Variants in EGF observed in about 807,000 individuals in gnomAD.
The protein encoded by EGF is epidermal growth factor.
EGF carries 95 observed loss-of-function variants against 143.8 expected under a neutral mutation model. That is an observed-to-expected ratio of 0.66 (90% confidence interval 0.56 to 0.78). The LOEUF (loss-of-function observed/expected upper bound fraction) is 0.78, where lower values mean the gene tolerates loss of function less well. Among genes scored for constraint, EGF ranks in the 30% least tolerant of loss-of-function variants. EGF has a pLI of 0.00. For missense variants in EGF, 1,320 were observed against 1,470.9 expected, an observed-to-expected ratio of 0.90 and a Z score of 1.68; for synonymous variants, 510 against 510.5, an observed-to-expected ratio of 1.00 and a Z score of 0.01.
Position 109,994,769 on chromosome 4 carries a change from A to G in EGF, c.2894A>G (p.His965Arg). 6.2e-7 allele frequency: 1 copy of G among 1,614,118 alleles called. No homozygotes were observed. Among genetic ancestry groups the G allele is most frequent in the Middle Eastern group, 1.6e-4 (1 of 6,062 alleles). Residue 965 changes from histidine (H) to arginine (R), a missense_variant, in exon 20 of 24, where the codon CAC (histidine) becomes CGC (arginine). His to Arg is a conservative substitution (Grantham distance 29). Transcript: ENST00000265171. ...CCCCCTCACCTCAGGGAAGATGACC[A>G]CCACTATTCCGTAAGAAATAGTGAC... is the stretch of plus-strand genomic sequence containing the variant. ...TPPPHLREDDHHYSVRNSDSE... is the reference protein window; with the variant it reads ...TPPPHLREDDRHYSVRNSDSE...
At chr4:109,944,969 G>A (rs756955971) in intron 4 of EGF, 104 bp from the exon 5 acceptor site, 81 of 1,193,416 alleles carry the variant, frequency 6.8e-5, no homozygotes, top group East Asian at 1.3e-4. Context: ...AATTGAAAAC[G>A]TAGGTGGTTA....
At chr4:109,971,430 G>A (rs1747639589) in intron 11 of EGF, among the ~76,000 whole-genome samples, 1 of 152,142 alleles carries the variant, frequency 6.6e-6, no homozygotes, top group African/African-American at 2.4e-5. Context: ...GATCAAAATG[G>A]CAGATGTCAA....
chr4:109,939,526 C>T (rs1741541315), intron 1 of EGF, among the ~76,000 whole-genome samples: 2 of 152,250 alleles, frequency 1.3e-5, no homozygotes, highest in Non-Finnish European at 2.9e-5. Flanking sequence ...CCTGCTTCGG[C>T]TGGCCCTCCG....
chr4:109,931,546 C>T (rs189736675), intron 1 of EGF, among the ~76,000 whole-genome samples: 4 of 152,274 alleles, frequency 2.6e-5, no homozygotes, highest in Admixed American at 2.6e-4. Flanking sequence ...CCAAGTCTAC[C>T]ACCTACTAGT....
chr4:109,985,489 G>A (rs1037782443), intron 16 of EGF, among the ~76,000 whole-genome samples: 5 of 152,194 alleles, frequency 3.3e-5, no homozygotes, highest in Admixed American at 3.3e-4. Flanking sequence ...CAGCCCTCTT[G>A]CCTTCGGCTT....
At chr4:109,942,010 C>T (rs966031480) in intron 2 of EGF, among the ~76,000 whole-genome samples, 2 of 152,156 alleles carry the variant, frequency 1.3e-5, no homozygotes, top group Non-Finnish European at 1.5e-5. Context: ...CCAAATATTT[C>T]TCTTTCCAGT....
chr4:109,984,739 T>A (rs1310843456), intron 16 of EGF, among the ~76,000 whole-genome samples: 1 of 152,162 alleles, frequency 6.6e-6, no homozygotes, highest in Non-Finnish European at 1.5e-5. Flanking sequence ...AGTTCACAGA[T>A]ATGAAAGCAG....
At position 109,976,127 on chromosome 4, in the gene EGF, A is replaced by T; in HGVS notation, c.1945A>T (p.Ile649Phe). 6.2e-7 allele frequency: 1 copy of T among 1,614,148 alleles called. No individual in the cohort carries two copies. Among genetic ancestry groups the T allele is most frequent in the Non-Finnish European group, 8.5e-7 (1 of 1,180,000 alleles). ...SDLIWPSGIT[I>F]DFLTDKLYWC... ...TCTAATCTGGCCCAGTGGAATAACG[A>T]TTGACTTCTTAACTGACAAGTTGTA... Residue 649 changes from isoleucine (I) to phenylalanine (F), a missense_variant, in exon 13 of 24, where the codon ATT becomes TTT. Ile to Phe is a conservative substitution (Grantham distance 21). Coordinates refer to ENST00000265171, the MANE Select transcript of EGF (RefSeq NM_001963.6).
At chr4:110,005,348 C>A (rs1345919892) in intron 22 of EGF, among the ~76,000 whole-genome samples, 1 of 151,918 alleles carries the variant, frequency 6.6e-6, no homozygotes, top group African/African-American at 2.4e-5. Flanking sequence ...ACTCAATTTT[C>A]TTAATTTTCT....
At chr4:109,968,437 A>G (rs1189013128) in intron 10 of EGF, among the ~76,000 whole-genome samples, 1 of 152,150 alleles carries the variant, frequency 6.6e-6, no homozygotes, top group South Asian at 2.1e-4. Context: ...TGTAGCCCTC[A>G]TTAATTGCAA....
chr4:109,934,308 C>A (rs1004610484), intron 1 of EGF, among the ~76,000 whole-genome samples: 2 of 152,152 alleles, frequency 1.3e-5, no homozygotes, highest in Non-Finnish European at 2.9e-5. Context: ...TCTAAATATG[C>A]AGTTATGTCA....
At chr4:109,940,184 A>G (rs1392867757) in intron 1 of EGF, among the ~76,000 whole-genome samples, 1 of 152,200 alleles carries the variant, frequency 6.6e-6, no homozygotes, top group Non-Finnish European at 1.5e-5. Flanking sequence ...GACCCCAGGT[A>G]CAGGATTAGG....
rs552093485 is a variant in EGF at position 110,001,936 on chromosome 4, C to T, written c.3173+2090C>T. 4.1e-5 allele frequency: 40 copies of T among 985,362 alleles called. No individual in the cohort carries two copies. In the Admixed American group the frequency reaches 5.5e-4, roughly 14 times the overall value. The allele number at this position is 985,362 out of a possible 1,614,324, so 61.0% of individuals were successfully genotyped here. On this transcript the variant is annotated intron_variant, in intron 21 of 23. Transcript: ENST00000265171. The stretch of plus-strand genomic sequence containing the variant: ...TGATCAGTGTACCTGCTTACCTCTC[C>T]GCAAAGTTTCAGCTATGTGCATAAC...
intron 10 of EGF, among the ~76,000 whole-genome samples, chr4:109,965,278 T>C (rs1746376531): frequency 6.6e-6 from 1 of 152,178 alleles, no homozygotes; most frequent in African/African-American, 2.4e-5. Flanking sequence ...GGTACATTAA[T>C]TCCTAGACTT....
At chr4:109,987,416 C>T (rs1320218620) in intron 16 of EGF, among the ~76,000 whole-genome samples, 1 of 152,000 alleles carries the variant, frequency 6.6e-6, no homozygotes, top group Non-Finnish European at 1.5e-5. Context: ...ACCTCAGCCC[C>T]CCAAGTAGCT....
At chr4:109,935,716 G>A (rs1560649675) in intron 1 of EGF, among the ~76,000 whole-genome samples, 1 of 152,094 alleles carries the variant, frequency 6.6e-6, no homozygotes, top group South Asian at 2.1e-4. Flanking sequence ...TTATTATTTT[G>A]AGATACGTTC....
intron 18 of EGF, among the ~76,000 whole-genome samples, chr4:109,991,294 GT>G (rs1345521163): frequency 2.0e-5 from 3 of 152,086 alleles, no homozygotes; most frequent in Admixed American, 2.0e-4. Context: ...TCTAATGTGT[GT>G]TTTATACTCA....
chr4:110,008,024 G>C, intron 22 of EGF, 128 bp from the exon 23 acceptor site: 1 of 827,594 alleles, frequency 1.2e-6, no homozygotes, highest in Non-Finnish European at 2.1e-6. Context: ...AACTTCACAG[G>C]GCCTTTCTTC....
chr4:109,966,445 T>C (rs923778098), intron 10 of EGF, among the ~76,000 whole-genome samples: 2 of 152,190 alleles, frequency 1.3e-5, no homozygotes, highest in Admixed American at 6.5e-5. Flanking sequence ...ACTCATCCAT[T>C]GATGGACACT....
Sources: allele counts gnomAD v4.1 joint callset (sites outside exome capture counted in the v4.1 genomes callset), GRCh38; gene constraint gnomAD v4.1.1; transcripts MANE v1.5; gene names NCBI Gene and HGNC (gene_info 2026-07-23, HGNC 2026-07-21).